REPS2: variants seen among roughly 807,000 people sequenced by gnomAD.
The protein encoded by REPS2 is RALBP1 associated Eps domain containing 2, also known as ralBP1-associated Eps domain-containing protein 2.
In REPS2, 23 loss-of-function variants were observed where a neutral mutation model predicts 53.6. That is an observed-to-expected ratio of 0.43 (90% CI 0.31 to 0.61). The LOEUF (loss-of-function observed/expected upper bound fraction) is 0.61, where lower values mean the gene tolerates loss of function less well. Among genes scored for constraint, REPS2 ranks in the 20% least tolerant of loss-of-function variants. The pLI is 0.11. For missense variants in REPS2, 446 were observed against 534.9 expected (o/e 0.83, Z 1.64); for synonymous variants, 238 against 218.6 (o/e 1.09, Z -0.78).
the REPS2 span, among the ~76,000 whole-genome samples, chrX:17,158,565 A>T: frequency 1.8e-5 from 2 of 112,380 alleles, no homozygotes; most frequent in Non-Finnish European, 1.9e-5. Flanking sequence ...AGGGCATACA[A>T]AGGACTAACT....
At chrX:17,141,928 G>A (rs372931534) in intron 17 of REPS2, among the ~76,000 whole-genome samples, 1 of 111,583 alleles carries the variant, frequency 9.0e-6, no homozygotes, top group South Asian at 3.7e-4. Flanking sequence ...ATATGTAAAG[G>A]CCAAGGAGCT....
chrX:16,950,064 ATT>A (rs765500800), intron 1 of REPS2, among the ~76,000 whole-genome samples: 20 of 96,471 alleles, frequency 2.1e-4, no homozygotes, highest in Admixed American at 1.1e-4. Context: ...GCAATCACTG[ATT>A]TTTTTTTTTT....
chrX:17,143,899 T>C (rs1446904846), intron 17 of REPS2, among the ~76,000 whole-genome samples: 1 of 112,247 alleles, frequency 8.9e-6, no homozygotes, highest in African/African-American at 3.2e-5. Context: ...TTGTGTTGTG[T>C]TGTATGTGCT....
chrX:17,071,975 G>C (rs2062313205), intron 11 of REPS2, among the ~76,000 whole-genome samples: 1 of 111,571 alleles, frequency 9.0e-6, no homozygotes, highest in Non-Finnish European at 1.9e-5. Context: ...CATGCACAAT[G>C]GTGGTCTTTT....
At chrX:16,965,976 GGC>G (rs2060759832) in intron 1 of REPS2, among the ~76,000 whole-genome samples, 1 of 112,533 alleles carries the variant, frequency 8.9e-6, no homozygotes, top group Non-Finnish European at 1.9e-5. Context: ...CAGGCGTGGC[GGC>G]GCGCGCCTGC....
chrX:17,028,303 G>A (rs1045604904), intron 4 of REPS2, among the ~76,000 whole-genome samples: 4 of 112,101 alleles, frequency 3.6e-5, no homozygotes, highest in East Asian at 2.8e-4. Context: ...TTGGCAGAGC[G>A]CAATTGGTAT....
intron 6 of REPS2, among the ~76,000 whole-genome samples, chrX:17,048,249 C>T (rs1185935081): frequency 3.6e-5 from 4 of 112,410 alleles, no homozygotes; most frequent in Non-Finnish European, 7.5e-5. Context: ...TGAAATGAGG[C>T]ACATAATTGA....
At chrX:17,131,759 G>C (rs1283725113) in intron 14 of REPS2, among the ~76,000 whole-genome samples, 1 of 111,182 alleles carries the variant, frequency 9.0e-6, no homozygotes, top group Non-Finnish European at 1.9e-5. Flanking sequence ...CACCCACTCT[G>C]TCTTGAAGTG....
chrX:17,116,518 T>C (rs1352280840), intron 14 of REPS2, among the ~76,000 whole-genome samples: 1 of 111,908 alleles, frequency 8.9e-6, no homozygotes, highest in Non-Finnish European at 1.9e-5. Context: ...GTCACTTTCA[T>C]CTATTTATGT....
chrX:17,140,027 G>A (rs1440578226), intron 17 of REPS2, among the ~76,000 whole-genome samples: 2 of 111,624 alleles, frequency 1.8e-5, no homozygotes, highest in African/African-American at 6.5e-5. Flanking sequence ...TGGATCATTC[G>A]CCATCCACAT....
intron 1 of REPS2, among the ~76,000 whole-genome samples, chrX:16,984,832 C>T (rs1328414960): frequency 9.1e-6 from 1 of 110,105 alleles, no homozygotes; most frequent in African/African-American, 3.3e-5. Flanking sequence ...GGAAAATCTC[C>T]TTGTACCAAA....
chrX:17,175,475 T>G, the REPS2 span, among the ~76,000 whole-genome samples: 7 of 112,159 alleles, frequency 6.2e-5, no homozygotes, highest in Non-Finnish European at 1.3e-4. Flanking sequence ...TAGCACTTGT[T>G]TTTTGCATAC....
chrX:16,951,115 C>T (rs1013604668), intron 1 of REPS2, among the ~76,000 whole-genome samples: 1 of 112,267 alleles, frequency 8.9e-6, no homozygotes, highest in Non-Finnish European at 1.9e-5. Flanking sequence ...ATTCTTACCA[C>T]ACACTATGCC....
chrX:17,160,552 C>A, the REPS2 span, among the ~76,000 whole-genome samples: 9 of 112,826 alleles, frequency 8.0e-5, no homozygotes, highest in East Asian at 2.5e-3. Flanking sequence ...ACACTGTTGG[C>A]TTGCACCAAA....
chrX:16,969,987 A>G (rs2060863989), intron 1 of REPS2, among the ~76,000 whole-genome samples: 1 of 112,041 alleles, frequency 8.9e-6, no homozygotes, highest in African/African-American at 3.2e-5. Flanking sequence ...CTTTCAGCCA[A>G]CGTGTAAATA....
intron 4 of REPS2, among the ~76,000 whole-genome samples, chrX:17,028,854 T>A (rs1342883977): frequency 8.9e-6 from 1 of 112,145 alleles, no homozygotes; most frequent in Non-Finnish European, 1.9e-5. Context: ...TACTACCTGG[T>A]TATGTTTAAC....
At chrX:16,948,784 T>C (rs2060472408) in intron 1 of REPS2, among the ~76,000 whole-genome samples, 2 of 112,015 alleles carry the variant, frequency 1.8e-5, no homozygotes, top group South Asian at 7.4e-4. Flanking sequence ...AATGAGATTA[T>C]ATTTTTGATG....
chrX:17,047,274 T>G, intron 5 of REPS2, 73 bp from the exon 6 acceptor site: 1 of 1,090,308 alleles, frequency 9.2e-7, no homozygotes, highest in Non-Finnish European at 1.3e-6. Context: ...ATAACTTTTA[T>G]TGGTGTTTAA....
At chrX:17,018,034 A>G (rs759081380) in intron 2 of REPS2, among the ~76,000 whole-genome samples, 2 of 112,658 alleles carry the variant, frequency 1.8e-5, no homozygotes, top group African/African-American at 6.4e-5. Flanking sequence ...GTGATAAAAT[A>G]CAAATAACAT....
Sources: gnomAD v4.1 joint callset for allele counts (sites outside exome capture counted in the v4.1 genomes callset) on GRCh38, gnomAD v4.1.1 for gene constraint, MANE v1.5 for transcripts, NCBI Gene and HGNC (gene_info 2026-07-23, HGNC 2026-07-21) for gene names.